ITFG1: variants seen among roughly 807,000 people sequenced by gnomAD.
ITFG1 encodes the protein T-cell immunomodulatory protein.
Under a neutral mutation model 81.8 loss-of-function variants are expected in ITFG1, and 34 were observed. The ratio of observed to expected loss-of-function variants is 0.42; its 90% CI spans 0.32 to 0.55. The LOEUF is 0.55. Among genes scored for constraint, ITFG1 ranks in the 20% least tolerant of loss-of-function variants. The pLI, the probability that ITFG1 is intolerant of heterozygous loss-of-function variation, is 0.17. For synonymous variants in ITFG1, 285 were observed against 270.6 expected (o/e 1.05, Z -0.52); for missense variants, 672 against 755.4 (o/e 0.89, Z 1.29).
intron 12 of ITFG1, 142 bp downstream of exon 12, chr16:47,258,490 G>A (rs910081834): frequency 5.6e-6 from 3 of 531,432 alleles, no homozygotes; most frequent in African/African-American, 4.1e-5. Flanking sequence ...TCTGAATGGG[G>A]TCTATGTATA....
chr16:47,422,916 C>G (rs1016378383), intron 6 of ITFG1, among the ~76,000 whole-genome samples: 67 of 152,114 alleles, frequency 4.4e-4, no homozygotes, highest in African/African-American at 1.5e-3. Flanking sequence ...TTGGGGTGGA[C>G]AGTTCTGTAG....
chr16:47,326,236 C>T (rs1309087888), intron 8 of ITFG1, among the ~76,000 whole-genome samples: 2 of 152,142 alleles, frequency 1.3e-5, no homozygotes, highest in African/African-American at 4.8e-5. Flanking sequence ...ATGATTATCT[C>T]AATAGATGCA....
chr16:47,183,904 A>C (rs1451154648), intron 14 of ITFG1, among the ~76,000 whole-genome samples: 1 of 152,174 alleles, frequency 6.6e-6, no homozygotes, highest in Non-Finnish European at 1.5e-5. Flanking sequence ...ATTTAGAAGA[A>C]TGTATAACTA....
At chr16:47,315,925 G>C (rs970097010) in intron 8 of ITFG1, among the ~76,000 whole-genome samples, 1 of 151,952 alleles carries the variant, frequency 6.6e-6, no homozygotes, top group African/African-American at 2.4e-5. Flanking sequence ...TGAGTAGCTG[G>C]GATTACGGGC....
At chr16:47,260,482 G>C in intron 11 of ITFG1, 63 bp downstream of exon 11, 1 of 1,549,780 alleles carries the variant, frequency 6.5e-7, no homozygotes, top group East Asian at 2.3e-5. Context: ...ATGGAATGAA[G>C]CTAAAGTGTG....
chr16:47,361,743 C>A (rs1024036558), intron 8 of ITFG1, among the ~76,000 whole-genome samples: 3 of 152,118 alleles, frequency 2.0e-5, no homozygotes, highest in Non-Finnish European at 4.4e-5. Context: ...CCACTAATAC[C>A]CTGCTAAAAT....
At chr16:47,180,160 T>G (rs1965087925) in intron 14 of ITFG1, among the ~76,000 whole-genome samples, 1 of 152,236 alleles carries the variant, frequency 6.6e-6, no homozygotes, top group South Asian at 2.1e-4. Flanking sequence ...TCTGCTATAA[T>G]AAACTGAAGG....
chr16:47,299,143 C>G (rs1038702898), intron 10 of ITFG1, among the ~76,000 whole-genome samples: 2 of 152,152 alleles, frequency 1.3e-5, no homozygotes, highest in African/African-American at 4.8e-5. Flanking sequence ...CTTTACTCGC[C>G]TTTGTCTGAC....
At chr16:47,222,361 G>A (rs1965701943) in intron 13 of ITFG1, among the ~76,000 whole-genome samples, 1 of 151,196 alleles carries the variant, frequency 6.6e-6, no homozygotes, top group Admixed American at 6.6e-5. Flanking sequence ...AGTCATTCAG[G>A]AGCAGGTTGT....
At chr16:47,234,106 T>C (rs1003152095) in intron 13 of ITFG1, among the ~76,000 whole-genome samples, 1 of 152,114 alleles carries the variant, frequency 6.6e-6, no homozygotes, top group Middle Eastern at 3.4e-3. Context: ...TTACAGGGCA[T>C]GCAGAAAGGC....
At chr16:47,438,467 G>A (rs184063830) in intron 5 of ITFG1, among the ~76,000 whole-genome samples, 16 of 152,202 alleles carry the variant, frequency 1.1e-4, no homozygotes, top group African/African-American at 3.1e-4. Flanking sequence ...TCACATGGCC[G>A]GGTACTCCTC....
At chr16:47,214,086 T>C (rs1015061236) in intron 14 of ITFG1, among the ~76,000 whole-genome samples, 4 of 152,208 alleles carry the variant, frequency 2.6e-5, no homozygotes, top group African/African-American at 9.6e-5. Flanking sequence ...AGTGTCAGAA[T>C]TGAATTAAAT....
intron 14 of ITFG1, among the ~76,000 whole-genome samples, chr16:47,188,068 A>G (rs1965246307): frequency 6.6e-6 from 1 of 151,832 alleles, no homozygotes; most frequent in Admixed American, 6.6e-5. Context: ...GTGAGATACC[A>G]TCTCACACCA....
At chr16:47,423,070 T>C (rs896689272) in intron 6 of ITFG1, among the ~76,000 whole-genome samples, 2 of 152,200 alleles carry the variant, frequency 1.3e-5, no homozygotes, top group African/African-American at 2.4e-5. Context: ...AGTCTCTTTG[T>C]AGGTCACTAA....
intron 14 of ITFG1, among the ~76,000 whole-genome samples, chr16:47,213,057 C>T (rs1202080719): frequency 6.6e-6 from 1 of 152,168 alleles, no homozygotes; most frequent in Non-Finnish European, 1.5e-5. Context: ...TTCCTCTCAG[C>T]ACTGCTTTGG....
At chr16:47,417,565 G>A (rs1180275933) in intron 6 of ITFG1, among the ~76,000 whole-genome samples, 2 of 152,020 alleles carry the variant, frequency 1.3e-5, no homozygotes, top group Non-Finnish European at 2.9e-5. Flanking sequence ...CTTTGCTTCT[G>A]GTAACTATTA....
intron 6 of ITFG1, among the ~76,000 whole-genome samples, chr16:47,395,730 A>C (rs1203582757): frequency 6.6e-6 from 1 of 152,242 alleles, no homozygotes; most frequent in African/African-American, 2.4e-5. Context: ...TACCGGCACC[A>C]TATACTGTTT....
intron 7 of ITFG1, among the ~76,000 whole-genome samples, chr16:47,368,528 C>A (rs1478816035): frequency 8.5e-6 from 1 of 117,508 alleles, no homozygotes. Context: ...TGTACTCCAG[C>A]CTGGGTGACA....
At position 47,241,681 on chromosome 16, in the gene ITFG1, C is replaced by T. The variant is rs371627032; in HGVS notation, c.1331-3673G>A. Among the ~76,000 whole-genome samples the T allele has an allele frequency of 6.6e-5, 10 of 152,216 alleles. No homozygotes were observed. In the East Asian group the frequency reaches 1.5e-3, roughly 24 times the overall value. On this transcript the variant is annotated intron_variant, in intron 12 of 17. Transcript: ENST00000320640. Reference sequence around the variant, plus strand: ...ACTAAGAGTGACAGACAAGGCCGGGCGCGGTGGCTCATGCCTGTAATCCCA... The same window carrying T: ...ACTAAGAGTGACAGACAAGGCCGGGTGCGGTGGCTCATGCCTGTAATCCCA...
Sources: gnomAD v4.1 joint callset for allele counts (sites outside exome capture counted in the v4.1 genomes callset) on GRCh38, gnomAD v4.1.1 for gene constraint, MANE v1.5 for transcripts, NCBI Gene and HGNC (gene_info 2026-07-23, HGNC 2026-07-21) for gene names.